NLGN1: variants seen among roughly 807,000 people sequenced by gnomAD.
NLGN1 encodes the protein neuroligin-1.
A neutral mutation model predicts 65.5 loss-of-function variants in NLGN1; 12 were observed. That is an observed-to-expected ratio of 0.18 (90% CI 0.12 to 0.30). The LOEUF (loss-of-function observed/expected upper bound fraction) is 0.30. Among genes scored for constraint, NLGN1 ranks in the 10% least tolerant of loss-of-function variants. The pLI is 1.00. For missense variants in NLGN1, 750 were observed against 1,007.1 expected, an observed-to-expected ratio of 0.74 and a Z score of 3.46; for synonymous variants, 350 against 359.5, an observed-to-expected ratio of 0.97 and a Z score of 0.30.
At chr3:173,724,209 A>G (rs1578134276) in intron 3 of NLGN1, among the ~76,000 whole-genome samples, 2 of 152,220 alleles carry the variant, frequency 1.3e-5, no homozygotes, top group South Asian at 4.1e-4. Context: ...CCTTCCCTGT[A>G]TAGATGCTGT....
At chr3:173,949,760 A>G (rs770006782) in intron 4 of NLGN1, among the ~76,000 whole-genome samples, 3 of 152,188 alleles carry the variant, frequency 2.0e-5, no homozygotes, top group Non-Finnish European at 2.9e-5. Context: ...ATACAAATTT[A>G]TTACCGTGAG....
intron 3 of NLGN1, among the ~76,000 whole-genome samples, chr3:173,734,601 C>T (rs1773443403): frequency 6.6e-6 from 1 of 151,284 alleles, no homozygotes; most frequent in South Asian, 2.1e-4. Context: ...TGAGGTTTCA[C>T]TATGTTGTCT....
chr3:173,939,434 T>C (rs13093473), intron 4 of NLGN1, among the ~76,000 whole-genome samples: 52,424 of 151,954 alleles, frequency 0.34, 9,842 homozygotes, highest in African/African-American at 0.49. Flanking sequence ...TGTGGTTGTT[T>C]ACACACAACA....
intron 4 of NLGN1, among the ~76,000 whole-genome samples, chr3:174,049,582 A>T (rs778881131): frequency 6.6e-6 from 1 of 152,074 alleles, no homozygotes. Flanking sequence ...AGTGGACCCT[A>T]AGGCTAATTC....
intron 3 of NLGN1, among the ~76,000 whole-genome samples, chr3:173,696,936 T>A (rs538410601): frequency 7.2e-5 from 11 of 152,302 alleles, no homozygotes; most frequent in African/African-American, 2.4e-4. Flanking sequence ...CTACAGTAGA[T>A]TCAGATTTTT....
chr3:173,728,304 A>C (rs1370094335), intron 3 of NLGN1, among the ~76,000 whole-genome samples: 1 of 152,238 alleles, frequency 6.6e-6, no homozygotes, highest in Non-Finnish European at 1.5e-5. Flanking sequence ...AACTGGTAGA[A>C]GATATCTTAC....
At chr3:174,285,883 A>C (rs1252871604) in exon 7 of NLGN1, 2 of 151,508 alleles carry the variant, frequency 1.3e-5, no homozygotes, top group African/African-American at 2.4e-5. Flanking sequence ...AAGAAAGTTT[A>C]TTTGGACATT....
intron 3 of NLGN1, among the ~76,000 whole-genome samples, chr3:173,709,726 C>T (rs1768621666): frequency 7.1e-6 from 1 of 141,222 alleles, no homozygotes; most frequent in African/African-American, 2.7e-5. Context: ...TCACTTGAAT[C>T]TGGGAGGCGG....
chr3:174,282,858 GA>G (rs1553991694), exon 7 of NLGN1: 2 of 151,652 alleles, frequency 1.3e-5, no homozygotes, highest in Non-Finnish European at 3.0e-5. Context: ...TAGTTTATAA[GA>G]TAATGCAAAG....
At chr3:173,651,548 A>G (rs778826301) in intron 3 of NLGN1, among the ~76,000 whole-genome samples, 6 of 152,092 alleles carry the variant, frequency 3.9e-5, no homozygotes, top group Non-Finnish European at 7.4e-5. Flanking sequence ...ACTGTTTTCC[A>G]TAGAGGTCTT....
At chr3:173,741,926 G>A (rs1023300878) in intron 3 of NLGN1, among the ~76,000 whole-genome samples, 19 of 152,216 alleles carry the variant, frequency 1.2e-4, no homozygotes, top group South Asian at 2.1e-4. Context: ...CTGCGTCCCC[G>A]TAATGTACGC....
chr3:173,872,293 A>C lies in NLGN1; in HGVS notation c.646+64461A>C, dbSNP rs1578905983. On this transcript the variant is annotated intron_variant, in intron 4 of 6. Transcript: ENST00000457714. ...CACGTGGACAATAAAAGGTTTTCTA[A>C]TGCGTCCCCAGTGTGGGCCTATGCT... is the stretch of plus-strand genomic sequence containing the variant. Among the ~76,000 whole-genome samples, 3 of 152,178 alleles carry C rather than the reference A, an allele frequency of 2.0e-5. No homozygotes were observed. In the South Asian group the frequency reaches 6.2e-4, roughly 31 times the overall value.
At chr3:174,287,440 C>T (rs1440303989), downstream of NLGN1, among the ~76,000 whole-genome samples, 1 of 151,488 alleles carries the variant, frequency 6.6e-6, no homozygotes, top group African/African-American at 2.4e-5. Flanking sequence ...AAAACATATT[C>T]TAACAATTTC....
rs964045563 is a variant in NLGN1 at position 173,931,239 on chromosome 3, A to G, written c.646+123407A>G. On this transcript the variant is annotated intron_variant, in intron 4 of 6. Coordinates refer to ENST00000457714, the Ensembl canonical transcript of NLGN1. ...AAACAAAATGAGAGGCTCCACCTTC[A>G]TGGAGCCTATGTCCTATTCAGGGGA... is the stretch of plus-strand genomic sequence containing the variant. Among the ~76,000 whole-genome samples the G allele has an allele frequency of 2.0e-5, 3 of 152,178 alleles. No homozygotes were observed. The East Asian group carries it at 5.8e-4, about 29-fold the overall frequency.
intron 4 of NLGN1, among the ~76,000 whole-genome samples, chr3:174,242,129 GT>G (rs1742992097): frequency 6.6e-6 from 1 of 152,164 alleles, no homozygotes; most frequent in Non-Finnish European, 1.5e-5. Context: ...CTTACCAGCA[GT>G]GTGATTTTAA....
At chr3:174,244,211 T>C (rs1003579357) in intron 4 of NLGN1, among the ~76,000 whole-genome samples, 3 of 152,228 alleles carry the variant, frequency 2.0e-5, no homozygotes, top group Non-Finnish European at 4.4e-5. Context: ...AAAAAGTTTA[T>C]GTTCTTAGTC....
intron 4 of NLGN1, among the ~76,000 whole-genome samples, chr3:173,830,358 G>A (rs919257604): frequency 6.6e-6 from 1 of 152,118 alleles, no homozygotes; most frequent in Admixed American, 6.6e-5. Context: ...ATGATAAAAT[G>A]GGTCTATAAT....
Position 173,490,307 on chromosome 3 carries a change from C to A in NLGN1, c.-321+55229C>A, listed in dbSNP as rs567887947. 8.3e-3 allele frequency among the ~76,000 whole-genome samples: 1,266 copies of A among 152,236 alleles called. 24 individuals carry two copies. Among genetic ancestry groups the A allele is most frequent in the African/African-American group, 0.029 (1,222 of 41,536 alleles). ...GAAGGGATCCAGTTTCAGCTTTCTA[C>A]ATATGGCTAGCCAGTTTTCCCAGCA... On this transcript the variant is annotated intron_variant, in intron 2 of 6. Transcript: ENST00000457714.
At chr3:173,969,106 TTTTG>T (rs989148999) in intron 4 of NLGN1, among the ~76,000 whole-genome samples, 43 of 152,284 alleles carry the variant, frequency 2.8e-4, no homozygotes, top group African/African-American at 9.1e-4. Context: ...GATTATTTTA[TTTTG>T]TTTATTTTTA....
Sources: gnomAD v4.1 joint callset for allele counts (sites outside exome capture counted in the v4.1 genomes callset) on GRCh38, gnomAD v4.1.1 for gene constraint, MANE v1.5 for transcripts, NCBI Gene and HGNC (gene_info 2026-07-23, HGNC 2026-07-21) for gene names.